Variants in UIMC1 observed in about 807,000 individuals in gnomAD.
The protein encoded by UIMC1 is ubiquitin interaction motif containing 1, also known as BRCA1-A complex subunit RAP80.
A neutral mutation model predicts 84.9 loss-of-function variants in UIMC1; 42 were observed. The observed-to-expected ratio is 0.49, with a 90% CI of 0.39 to 0.64. The LOEUF (loss-of-function observed/expected upper bound fraction) is 0.64. Ranked by LOEUF, UIMC1 falls within the 30% of genes least tolerant of loss-of-function variation. The probability of loss-of-function intolerance (pLI) is 0.00; values close to 1 mark genes in which losing one functional copy is unlikely to be tolerated. For missense variants in UIMC1, 825 were observed against 847.6 expected (o/e 0.97, Z 0.33); for synonymous variants, 281 against 293.0 (o/e 0.96, Z 0.42).
intron 1 of UIMC1, among the ~76,000 whole-genome samples, chr5:176,984,041 C>T (rs1483566761): frequency 1.1e-4 from 13 of 114,948 alleles, no homozygotes; most frequent in East Asian, 5.5e-4. Flanking sequence ...CCGGCCGCCC[C>T]GTCTGGGAAG....
At chr5:177,022,421 T>A (rs1289913547) in intron 1 of UIMC1, 1 of 319,044 alleles carries the variant, frequency 3.1e-6, no homozygotes, top group Non-Finnish European at 5.7e-6. Context: ...CACTCCCACA[T>A]AACGGGACCT....
intron 1 of UIMC1, among the ~76,000 whole-genome samples, chr5:176,995,872 A>G (rs527479859): frequency 3.9e-5 from 6 of 152,010 alleles, no homozygotes; most frequent in East Asian, 1.9e-4. Context: ...AAAGGAATAT[A>G]AAGTGGTACA....
chr5:176,995,233 C>T (rs1482197448), intron 1 of UIMC1, among the ~76,000 whole-genome samples: 1 of 152,012 alleles, frequency 6.6e-6, no homozygotes, highest in Non-Finnish European at 1.5e-5. Context: ...AAAGACAACC[C>T]AGATTCCATC....
chr5:176,985,264 T>C (rs1231124702), intron 1 of UIMC1, among the ~76,000 whole-genome samples: 1 of 152,044 alleles, frequency 6.6e-6, no homozygotes, highest in Non-Finnish European at 1.5e-5. Context: ...GAGACTATCC[T>C]GGCCAACATG....
chr5:177,016,073 G>C (rs917937793), intron 1 of UIMC1, among the ~76,000 whole-genome samples: 1 of 150,816 alleles, frequency 6.6e-6, no homozygotes, highest in Non-Finnish European at 1.5e-5. Context: ...TCTCAAAAAA[G>C]AAAAAAAGAG....
At chr5:176,916,532 G>A (rs1260608009) in intron 10 of UIMC1, among the ~76,000 whole-genome samples, 1 of 152,204 alleles carries the variant, frequency 6.6e-6, no homozygotes, top group African/African-American at 2.4e-5. Context: ...GGCAAGTTCT[G>A]TAACCTGAGT....
intron 1 of UIMC1, 34 bp downstream of exon 1, chr5:177,006,616 T>C (rs184113925): frequency 0.011 from 1,636 of 151,738 alleles, 10 homozygotes; most frequent in South Asian, 0.025. Flanking sequence ...CAGGGAGGGG[T>C]GGGCGGAGCT....
chr5:176,968,256 C>T (rs1245705996), intron 6 of UIMC1, among the ~76,000 whole-genome samples: 1 of 151,916 alleles, frequency 6.6e-6, no homozygotes, highest in Non-Finnish European at 1.5e-5. Flanking sequence ...CCTGTAATCC[C>T]AGCTACTTGG....
In UIMC1 at chr5:176,906,969, T is replaced by C. The variant is rs868500956; in HGVS notation, c.1912+145A>G. On this transcript the variant is annotated intron_variant, in intron 13 of 14. Coordinates refer to ENST00000511320, the MANE Select transcript of UIMC1 (RefSeq NM_001199298.2). ...TTGCCCCAACTTCCTTAAGGAGAGA[T>C]GACCTAGATTGAGTCTCAAAGGCTG... 61 of 700,198 alleles carry C rather than the reference T, an allele frequency of 8.7e-5. No homozygotes were observed. In the Middle Eastern group the frequency reaches 1.6e-3, roughly 19 times the overall value. The allele number at this position is 700,198 out of a possible 1,614,324, so 43.4% of individuals were successfully genotyped here. A position where few individuals can be genotyped will look rare whatever the true frequency, so the allele number is the denominator to read the frequency against.
At chr5:176,957,216 A>T (rs1269450724) in intron 7 of UIMC1, among the ~76,000 whole-genome samples, 2 of 152,196 alleles carry the variant, frequency 1.3e-5, no homozygotes, top group Admixed American at 1.3e-4. Context: ...TAGCCCAGGA[A>T]GGAATACCAA....
chr5:177,014,099 TGCC>T (rs1775623934), intron 1 of UIMC1, among the ~76,000 whole-genome samples: 1 of 150,232 alleles, frequency 6.7e-6, no homozygotes. Context: ...TCGCTCTTGT[TGCC>T]CAAGTTAGAG....
chr5:176,905,341 C>G lies in UIMC1; in HGVS notation c.2101G>C (p.Val701Leu). Residue 701 changes from valine to leucine, a missense_variant, in exon 15 of 15, where the codon GTC becomes CTC. Transcript: ENST00000511320. The part of the protein sequence containing the change: ...CLVDFKKQVT[V>L]QPGSRTRTKA... ...GTCCGTGTCCGACTACCTGGCTGGACAGTAACTTGCTTTTTAAAGTCCACT... is the reference window on the plus strand; with the variant it reads ...GTCCGTGTCCGACTACCTGGCTGGAGAGTAACTTGCTTTTTAAAGTCCACT... The G allele has an allele frequency of 6.2e-7, 1 of 1,614,140 alleles. No homozygotes were observed. The highest frequency in any genetic ancestry group is 8.5e-7 in the Non-Finnish European group (1 of 1,179,992).
chr5:176,967,799 C>T (rs1481990774), intron 6 of UIMC1, among the ~76,000 whole-genome samples: 8 of 151,160 alleles, frequency 5.3e-5, no homozygotes, highest in South Asian at 4.2e-4. Flanking sequence ...GCTATTGCGA[C>T]GGGCTGAGGT....
chr5:176,952,817 G>A (rs1766056488), intron 8 of UIMC1, among the ~76,000 whole-genome samples: 1 of 151,910 alleles, frequency 6.6e-6, no homozygotes, highest in South Asian at 2.1e-4. Flanking sequence ...AAAAAAGTTT[G>A]CCAACTTCTG....
At chr5:176,975,289 T>G (rs1289813149) in intron 3 of UIMC1, 107 bp downstream of exon 3, 1 of 1,083,882 alleles carries the variant, frequency 9.2e-7, no homozygotes, top group East Asian at 2.5e-5. Context: ...CAACTTTTCT[T>G]GAATCTATCA....
At chr5:176,985,812 A>G (rs1328881864) in intron 1 of UIMC1, among the ~76,000 whole-genome samples, 1 of 152,154 alleles carries the variant, frequency 6.6e-6, no homozygotes, top group Non-Finnish European at 1.5e-5. Context: ...GGATCTCACT[A>G]TGTTAACTAG....
At chr5:177,017,186 G>C (rs1408859793) in intron 1 of UIMC1, among the ~76,000 whole-genome samples, 1 of 152,194 alleles carries the variant, frequency 6.6e-6, no homozygotes. Context: ...ACCAATCTCA[G>C]ATTCTGATTC....
At chr5:176,949,884 A>C (rs1466995848) in intron 9 of UIMC1, among the ~76,000 whole-genome samples, 1 of 151,946 alleles carries the variant, frequency 6.6e-6, no homozygotes, top group Non-Finnish European at 1.5e-5. Context: ...GTAAAATCCC[A>C]TCTCTACTAA....
intron 10 of UIMC1, among the ~76,000 whole-genome samples, chr5:176,933,527 A>ATT (rs11333768): frequency 1.7e-3 from 247 of 147,870 alleles, no homozygotes; most frequent in African/African-American, 5.7e-3. Flanking sequence ...GCTAGTTTAG[A>ATT]TTTTTTTTTT....
Sources: gnomAD v4.1 joint callset for allele counts (sites outside exome capture counted in the v4.1 genomes callset) on GRCh38, gnomAD v4.1.1 for gene constraint, MANE v1.5 for transcripts, NCBI Gene and HGNC (gene_info 2026-07-23, HGNC 2026-07-21) for gene names.